The following TPP2 variants were observed in gnomAD, a reference collection of about 807,000 sequenced individuals.
The protein encoded by TPP2 is tripeptidyl peptidase 2, also known as tripeptidyl-peptidase 2.
TPP2 carries 34 observed loss-of-function variants against 155.9 expected under a neutral mutation model. That is an observed-to-expected ratio of 0.22 (90% confidence interval 0.17 to 0.29). The LOEUF (loss-of-function observed/expected upper bound fraction) is 0.29. Ranked by LOEUF, TPP2 falls within the 10% of genes least tolerant of loss-of-function variation. TPP2 has a pLI of 1.00. For synonymous variants in TPP2, 510 were observed against 529.4 expected, an observed-to-expected ratio of 0.96 and a Z score of 0.50; for missense variants, 1,028 against 1,522.3, an observed-to-expected ratio of 0.68 and a Z score of 5.40.
chr13:102,626,578 A>C lies in TPP2; in HGVS notation c.785-434A>C, dbSNP rs550521308. On this transcript the variant is annotated intron_variant, in intron 6 of 29. Coordinates refer to ENST00000376052, the MANE Select transcript of TPP2 (RefSeq NM_001330588.2). ...CAGCTTTCACTCCAGCCAGCAGTGT[A>C]TGATATGTACTTCCATCCACACTTG... Among the ~76,000 whole-genome samples, 4 of 152,326 alleles carry C rather than the reference A, an allele frequency of 2.6e-5. No homozygotes were observed. The South Asian group carries it at 6.2e-4, about 24-fold the overall frequency.
chr13:102,644,973 C>T lies in TPP2; in HGVS notation c.2357C>T (p.Pro786Leu), dbSNP rs1883005950. ...TCCTTGAAATACGAAGATCTGGCTC[C>T]CTGCATAACTTTGAAGAACTGGGTC... ...QSSLKYEDLAPCITLKNWVQT... is the reference protein window; with the variant it reads ...QSSLKYEDLALCITLKNWVQT... Residue 786 changes from proline (P) to leucine (L), a missense_variant, in exon 19 of 30, where the codon CCC (proline) becomes CTC (leucine). By Grantham distance (98) the Pro-to-Leu change is moderately conservative. Around this residue, in one of 7 missense-constraint regions of TPP2, gnomAD observed 325 missense variants for 463.7 expected, o/e 0.70. Coordinates refer to ENST00000376052, the MANE Select transcript of TPP2 (RefSeq NM_001330588.2). The T allele has an allele frequency of 1.2e-6, 2 of 1,613,896 alleles. No individual in the cohort carries two copies. The highest frequency in any genetic ancestry group is 1.7e-6 in the Non-Finnish European group (2 of 1,179,968).
chr13:102,597,559 A>G (rs1237186052), intron 1 of TPP2, among the ~76,000 whole-genome samples: 1 of 151,586 alleles, frequency 6.6e-6, no homozygotes, highest in Non-Finnish European at 1.5e-5. Flanking sequence ...CGGCGCTGCC[A>G]GGCCGGACCC....
intron 6 of TPP2, among the ~76,000 whole-genome samples, chr13:102,624,817 G>A (rs1474974941): frequency 6.7e-6 from 1 of 148,664 alleles, no homozygotes; most frequent in African/African-American, 2.5e-5. Context: ...AGAACCAGTT[G>A]GATATGGTAA....
chr13:102,647,189 T>C lies in TPP2; in HGVS notation c.2491-18T>C, dbSNP rs199627992. The C allele has an allele frequency of 1.8e-4, 281 of 1,584,986 alleles. No individual in the cohort carries two copies. Among genetic ancestry groups the C allele is most frequent in the Non-Finnish European group, 2.2e-4 (259 of 1,165,688 alleles). ...TATATGCAAATCATGCCAAGTAATC[T>C]TTTTTGTTTTTTAATAGCCCAAGAG... is the stretch of plus-strand genomic sequence containing the variant. On this transcript the variant is annotated intron_variant, in intron 20 of 29. Coordinates refer to ENST00000376052, the MANE Select transcript of TPP2 (RefSeq NM_001330588.2).
intron 1 of TPP2, among the ~76,000 whole-genome samples, chr13:102,598,282 T>G (rs1879142000): frequency 6.6e-6 from 1 of 152,182 alleles, no homozygotes; most frequent in Admixed American, 6.5e-5. Context: ...TATCTTATCC[T>G]CCTTTCTACA....
chr13:102,642,277 C>T (rs1328334519), intron 16 of TPP2, among the ~76,000 whole-genome samples: 3 of 152,082 alleles, frequency 2.0e-5, no homozygotes, highest in East Asian at 1.9e-4. Context: ...TCTCATAGGG[C>T]CCCTGGGACT....
chr13:102,661,630 A>G (rs1884237771), intron 25 of TPP2, among the ~76,000 whole-genome samples: 2 of 152,200 alleles, frequency 1.3e-5, no homozygotes, highest in South Asian at 2.1e-4. Context: ...ATCTGAATAG[A>G]TATTTCTATA....
At chr13:102,643,094 C>T (rs1882876436) in intron 16 of TPP2, 128 bp from the exon 17 acceptor site, 1 of 739,590 alleles carries the variant, frequency 1.4e-6, no homozygotes, top group Non-Finnish European at 1.9e-6. Context: ...TTTGAGTGTA[C>T]ATTTTATTTT....
chr13:102,640,239 T>C (rs778084264), intron 15 of TPP2, 31 bp from the exon 16 acceptor site: 1 of 1,445,244 alleles, frequency 6.9e-7, no homozygotes, highest in South Asian at 1.3e-5. Flanking sequence ...ATAATAAATA[T>C]ATACATTTAA....
chr13:102,624,852 C>CTTTTTTTTTTTTTTTTTTTT (rs1029486604), intron 6 of TPP2, among the ~76,000 whole-genome samples: 6 of 83,424 alleles, frequency 7.2e-5, no homozygotes, highest in South Asian at 4.3e-4. Context: ...TTTTTTTTTC[C>CTTTTTTTTTTTTTTTTTTTT]TTTTTTTTTT....
At chr13:102,617,505 T>A (rs951631014) in intron 4 of TPP2, among the ~76,000 whole-genome samples, 1 of 152,212 alleles carries the variant, frequency 6.6e-6, no homozygotes, top group Non-Finnish European at 1.5e-5. Flanking sequence ...TTTACATGAT[T>A]GTGATTTGCG....
Position 102,630,213 on chromosome 13 carries a change from G to A in TPP2, c.1244+18G>A, listed in dbSNP as rs767374436. 5.1e-6 allele frequency: 8 copies of A among 1,581,906 alleles called. No individual in the cohort carries two copies. Among genetic ancestry groups the A allele is most frequent in the Admixed American group, 1.7e-5 (1 of 59,810 alleles). ...GGACCTAGGTAGGTGCAGGTAGAAC[G>A]CGGAACCATTACGTATATTCGGTTA... On this transcript the variant is annotated intron_variant, in intron 10 of 29. Transcript: ENST00000376052.
chr13:102,615,296 C>T (rs977901415), intron 3 of TPP2, among the ~76,000 whole-genome samples: 9 of 152,232 alleles, frequency 5.9e-5, no homozygotes, highest in African/African-American at 1.4e-4. Flanking sequence ...ACTACAGGCA[C>T]GCACCACCAC....
intron 27 of TPP2, among the ~76,000 whole-genome samples, chr13:102,669,543 C>CTAGTT (rs1348251923): frequency 1.3e-5 from 2 of 152,152 alleles, no homozygotes; most frequent in Non-Finnish European, 2.9e-5. Flanking sequence ...TGTACATATC[C>CTAGTT]TAGTTTTCCA....
intron 15 of TPP2, among the ~76,000 whole-genome samples, 195 bp from the exon 16 acceptor site, chr13:102,640,075 C>T (rs1882651182): frequency 6.6e-6 from 1 of 152,018 alleles, no homozygotes. Context: ...ATCATCTATA[C>T]TCTGCTATTC....
At chr13:102,661,275 G>C (rs1160716976) in intron 25 of TPP2, among the ~76,000 whole-genome samples, 4 of 125,904 alleles carry the variant, frequency 3.2e-5, no homozygotes, top group African/African-American at 1.3e-4. Flanking sequence ...TTTTGAGACA[G>C]GGTCTCTCTC....
Position 102,597,028 on chromosome 13 carries a change from ATCCTGCGTCCATGGCCACCGCTGCGAC to A in TPP2, c.-9_18del, listed in dbSNP as rs1878999384. 1 of 1,609,878 alleles carries A rather than the reference ATCCTGCGTCCATGGCCACCGCTGCGAC, an allele frequency of 6.2e-7. No homozygotes were observed. Among genetic ancestry groups the A allele is most frequent in the Non-Finnish European group, 8.5e-7 (1 of 1,178,616 alleles). Reference sequence around the variant, plus strand: ...GCAGTTTGCCGCTTCCTCGTCCTCCATCCTGCGTCCATGGCCACCGCTGCGACTGAGGAGCCCTTCCCTTTTCACGGT... The same window carrying A: ...GCAGTTTGCCGCTTCCTCGTCCTCCATGAGGAGCCCTTCCCTTTTCACGGT... On this transcript the variant is annotated start_lost and 5_prime_UTR_variant, in exon 1 of 30. Coordinates refer to ENST00000376052, the MANE Select transcript of TPP2 (RefSeq NM_001330588.2).
In TPP2 at chr13:102,679,542, C is replaced by T. The variant is rs1457903778; in HGVS notation, c.*1226C>T. 6.6e-6 allele frequency: 1 copy of T among 152,196 alleles called. No individual in the cohort carries two copies. The highest frequency in any genetic ancestry group is 1.5e-5 in the Non-Finnish European group (1 of 68,036). 9.4% of individuals were successfully genotyped at this position (152,196 alleles called of 1,614,324 possible). ...AATTACTACCAGTAATCCTTAGTCA[C>T]TCCCAACTGTTTCTGCTGTATCTCA... On this transcript the variant is annotated 3_prime_UTR_variant, in exon 30 of 30. Coordinates refer to ENST00000376052, the MANE Select transcript of TPP2 (RefSeq NM_001330588.2).
At chr13:102,620,758 T>C (rs540946373) in intron 5 of TPP2, among the ~76,000 whole-genome samples, 1 of 152,320 alleles carries the variant, frequency 6.6e-6, no homozygotes, top group African/African-American at 2.4e-5. Context: ...CTCAGACTCA[T>C]TGTCACTCCA....
Sources: gnomAD v4.1 joint callset for allele counts (sites outside exome capture counted in the v4.1 genomes callset) on GRCh38, gnomAD v4.1.1 for gene constraint, gnomAD v4.1.1 regional missense constraint, MANE v1.5 for transcripts, NCBI Gene and HGNC (gene_info 2026-07-23, HGNC 2026-07-21) for gene names.